PLCL1: variants seen among roughly 807,000 people sequenced by gnomAD.
The protein encoded by PLCL1 is phospholipase C like 1 (inactive).
Under a neutral mutation model 84.4 loss-of-function variants are expected in PLCL1, and 41 were observed. The observed-to-expected ratio is 0.49, with a 90% CI of 0.38 to 0.63. PLCL1 has a LOEUF of 0.63. Ranked by LOEUF, PLCL1 falls within the 30% of genes least tolerant of loss-of-function variation. The pLI, the probability that PLCL1 is intolerant of heterozygous loss-of-function variation, is 0.00. For missense variants in PLCL1, 1,206 were observed against 1,367.8 expected, an observed-to-expected ratio of 0.88 and a Z score of 1.87; for synonymous variants, 490 against 488.3, an observed-to-expected ratio of 1.00 and a Z score of -0.05.
At chr2:198,139,376 T>C (rs1694331741) in intron 5 of PLCL1, among the ~76,000 whole-genome samples, 1 of 152,210 alleles carries the variant, frequency 6.6e-6, no homozygotes, top group Non-Finnish European at 1.5e-5. Flanking sequence ...TGTCTGTCTC[T>C]ACATTTGCAT....
chr2:197,850,062 AC>A, intron 1 of PLCL1, among the ~76,000 whole-genome samples: 1 of 151,788 alleles, frequency 6.6e-6, no homozygotes, highest in African/African-American at 2.4e-5. Flanking sequence ...ACACACACAC[AC>A]ACACACACAC....
chr2:198,078,860 AT>A (rs1479595605), intron 1 of PLCL1, among the ~76,000 whole-genome samples: 13 of 152,194 alleles, frequency 8.5e-5, no homozygotes, highest in Middle Eastern at 3.4e-3. Context: ...TTCAGTGTGC[AT>A]TTTTTCCCTG....
At chr2:198,099,191 C>G (rs1693271534) in intron 3 of PLCL1, among the ~76,000 whole-genome samples, 2 of 152,088 alleles carry the variant, frequency 1.3e-5, no homozygotes, top group African/African-American at 4.8e-5. Context: ...GTGCTGACTT[C>G]CCGGCTCAGG....
At chr2:198,044,765 T>C (rs1176347664) in intron 1 of PLCL1, among the ~76,000 whole-genome samples, 2 of 152,206 alleles carry the variant, frequency 1.3e-5, no homozygotes, top group African/African-American at 4.8e-5. Context: ...AGATAGTCAC[T>C]CTTCACCTAT....
chr2:197,850,126 C>T (rs1687206218), intron 1 of PLCL1, among the ~76,000 whole-genome samples: 1 of 151,880 alleles, frequency 6.6e-6, no homozygotes. Flanking sequence ...GTGGTATGCC[C>T]TTGGGCAGGT....
chr2:198,099,034 T>A (rs1433323110), intron 3 of PLCL1, among the ~76,000 whole-genome samples: 1 of 152,176 alleles, frequency 6.6e-6, no homozygotes, highest in African/African-American at 2.4e-5. Flanking sequence ...CATTAGGAGA[T>A]ATTCATGTGA....
intron 1 of PLCL1, among the ~76,000 whole-genome samples, chr2:197,846,336 A>G (rs914193004): frequency 1.3e-5 from 2 of 152,158 alleles, no homozygotes; most frequent in Non-Finnish European, 2.9e-5. Flanking sequence ...GATCATTATA[A>G]TCGCAAAGGC....
chr2:198,122,211 G>GTGC lies in PLCL1; in HGVS notation c.3105+18276_3105+18278dup, dbSNP rs1693884442. ...TGTGAAAATATTAACAATTATCCCA[G>GTGC]TGCAAGAAGACATTGGTCACTATTG... On this transcript the variant is annotated intron_variant, in intron 5 of 5. Coordinates refer to ENST00000428675, the MANE Select transcript of PLCL1 (RefSeq NM_006226.4). Among the ~76,000 whole-genome samples the GTGC allele has an allele frequency of 3.3e-5, 5 of 152,100 alleles. No homozygotes were observed. In the South Asian group the frequency reaches 1.0e-3, roughly 32 times the overall value.
At chr2:197,899,639 C>CTT (rs1232397878) in intron 1 of PLCL1, among the ~76,000 whole-genome samples, 19 of 141,290 alleles carry the variant, frequency 1.3e-4, no homozygotes, top group Middle Eastern at 3.6e-3. Context: ...TTCTTTCTTT[C>CTT]TTTTTTTTTT....
intron 1 of PLCL1, among the ~76,000 whole-genome samples, chr2:197,962,682 G>A (rs1307881825): frequency 6.6e-6 from 1 of 151,778 alleles, no homozygotes; most frequent in African/African-American, 2.4e-5. Flanking sequence ...CAAATACTAA[G>A]CCTTATTCAT....
intron 1 of PLCL1, among the ~76,000 whole-genome samples, chr2:198,052,570 G>A (rs115033436): frequency 0.018 from 2,741 of 151,310 alleles, 84 homozygotes; most frequent in African/African-American, 0.063. Flanking sequence ...CATAAATTTT[G>A]GAAGCATTAT....
At chr2:197,946,216 A>G (rs1689267482) in intron 1 of PLCL1, among the ~76,000 whole-genome samples, 1 of 152,180 alleles carries the variant, frequency 6.6e-6, no homozygotes, top group African/African-American at 2.4e-5. Context: ...AGGCTTTTCT[A>G]TTTATTTATA....
intron 1 of PLCL1, among the ~76,000 whole-genome samples, chr2:197,847,146 C>A (rs965386926): frequency 2.0e-5 from 3 of 152,022 alleles, no homozygotes; most frequent in African/African-American, 7.2e-5. Flanking sequence ...ACTGTAGAAA[C>A]CTGTGATTGT....
At chr2:198,115,292 G>T (rs931486715) in intron 5 of PLCL1, among the ~76,000 whole-genome samples, 26 of 151,938 alleles carry the variant, frequency 1.7e-4, no homozygotes, top group African/African-American at 6.0e-4. Context: ...CTCCAGATTG[G>T]TTAGTGGACA....
chr2:197,927,308 A>AT (rs1688850111), intron 1 of PLCL1, among the ~76,000 whole-genome samples: 2 of 152,212 alleles, frequency 1.3e-5, no homozygotes, highest in Admixed American at 6.5e-5. Context: ...CTACCATGTC[A>AT]TTTAATGTTA....
At chr2:198,105,736 G>C (rs891845014) in intron 5 of PLCL1, among the ~76,000 whole-genome samples, 1 of 151,420 alleles carries the variant, frequency 6.6e-6, no homozygotes, top group African/African-American at 2.4e-5. Flanking sequence ...CAACACAAAT[G>C]ATTTTGAAGA....
chr2:198,070,347 A>T (rs1032677687), intron 1 of PLCL1, among the ~76,000 whole-genome samples: 3 of 152,096 alleles, frequency 2.0e-5, no homozygotes, highest in African/African-American at 4.8e-5. Flanking sequence ...CTCTGGGTAC[A>T]TTCATATGCT....
chr2:198,130,969 C>T (rs1266280802), intron 5 of PLCL1, among the ~76,000 whole-genome samples: 1 of 152,146 alleles, frequency 6.6e-6, no homozygotes, highest in Admixed American at 6.5e-5. Flanking sequence ...CTTCCCACAG[C>T]TCCTTCTTAA....
intron 3 of PLCL1, among the ~76,000 whole-genome samples, chr2:198,100,812 G>T (rs1016499598): frequency 6.6e-6 from 1 of 151,924 alleles, no homozygotes; most frequent in African/African-American, 2.4e-5. Context: ...TGGGAGTGGG[G>T]TGGGGGAGAG....
Sources: gnomAD v4.1 joint callset for allele counts (sites outside exome capture counted in the v4.1 genomes callset) on GRCh38, gnomAD v4.1.1 for gene constraint, MANE v1.5 for transcripts, NCBI Gene and HGNC (gene_info 2026-07-23, HGNC 2026-07-21) for gene names.